Variants in MB observed in about 807,000 individuals in gnomAD.
MB encodes nitrite reductase MB.
A neutral mutation model predicts 14.5 loss-of-function variants in MB; 10 were observed. That is an observed-to-expected ratio of 0.69 (90% confidence interval 0.43 to 1.17). MB has a LOEUF of 1.17. MB is among the 50% of genes most tolerant of loss of function. The probability of loss-of-function intolerance (pLI) is 0.00; values close to 1 mark genes in which losing one functional copy is unlikely to be tolerated. For missense variants in MB, 169 were observed against 192.7 expected (o/e 0.88, Z 0.73); for synonymous variants, 89 against 78.6 (o/e 1.13, Z -0.70).
chr22:35,613,714 G>A (rs188620772), intron 1 of MB, among the ~76,000 whole-genome samples: 7 of 152,142 alleles, frequency 4.6e-5, no homozygotes, highest in African/African-American at 1.7e-4. Context: ...GCTCAGGCTG[G>A]TCTCGAACTC....
In MB at chr22:35,613,700, T is replaced by C. The variant is rs1382644994; in HGVS notation, c.96-2594A>G. Reference sequence around the variant, plus strand: ...TTTGTAGAGAAGGGGGGTCTCACTATGTGGCTCAGGCTGGTCTCGAACTCC... The same window carrying C: ...TTTGTAGAGAAGGGGGGTCTCACTACGTGGCTCAGGCTGGTCTCGAACTCC... On this transcript the variant is annotated intron_variant, in intron 1 of 2. Coordinates refer to ENST00000397326, the MANE Select transcript of MB (RefSeq NM_005368.3). Among the ~76,000 whole-genome samples the C allele has an allele frequency of 2.0e-5, 3 of 152,232 alleles. No homozygotes were observed. In the East Asian group the frequency reaches 5.8e-4, roughly 29 times the overall value.
upstream of MB, among the ~76,000 whole-genome samples, chr22:35,620,466 C>T (rs573928516): frequency 1.3e-5 from 2 of 152,310 alleles, no homozygotes; most frequent in East Asian, 3.9e-4. Context: ...CCAGGCCCAG[C>T]CTCAGAAGGA....
Position 35,608,473 on chromosome 22 carries a change from G to T in MB, c.319-1030C>A, listed in dbSNP as rs1483340253. Among the ~76,000 whole-genome samples the T allele has an allele frequency of 6.6e-6, 1 of 152,196 alleles. No individual in the cohort carries two copies. Among genetic ancestry groups the T allele is most frequent in the Non-Finnish European group, 1.5e-5 (1 of 68,036 alleles). ...CCAGGGTGCAAGTGACATAAAGCAG[G>T]GATAGTCGCGGGTGGGACATGCAAA... On this transcript the variant is annotated intron_variant, in intron 2 of 2. Transcript: ENST00000397326. The surrounding 1 kb of genome is among the most constrained non-coding windows in gnomAD (Gnocchi z 4.3).
In MB at chr22:35,607,336, GTC is replaced by G; in HGVS notation, c.424_425del (p.Asp142HisfsTer37). On this transcript the variant is annotated frameshift_variant, in exon 3 of 3. Transcript: ENST00000397326. LOFTEE classifies it high-confidence loss of function. ...CCAGCTCCTTGTAGTTGGAGGCCATGTCCTTCCGGAACAGCTCCAGGGCCTTG... is the reference window on the plus strand; with the variant it reads ...CCAGCTCCTTGTAGTTGGAGGCCATGCTTCCGGAACAGCTCCAGGGCCTTG... ...MNKALELFRK[D>X]MASNYKELGF... The G allele has an allele frequency of 1.9e-6, 3 of 1,614,098 alleles. No individual in the cohort carries two copies. The highest frequency in any genetic ancestry group is 2.5e-6 in the Non-Finnish European group (3 of 1,179,920).
At chr22:35,616,095 C>A (rs1291298046) in intron 1 of MB, among the ~76,000 whole-genome samples, 3 of 152,192 alleles carry the variant, frequency 2.0e-5, no homozygotes, top group African/African-American at 7.2e-5. Context: ...AGAAATTAAT[C>A]TGCAAATTAA....
chr22:35,611,149 T>C, intron 1 of MB, 43 bp from the exon 2 acceptor site: 1 of 1,451,654 alleles, frequency 6.9e-7, no homozygotes, highest in Non-Finnish European at 9.6e-7. Flanking sequence ...GGAGGTGCGG[T>C]GTGAGGTCTG....
In MB at chr22:35,617,300, T is replaced by A; in HGVS notation, c.-43A>T. 2.7e-6 allele frequency: 4 copies of A among 1,507,916 alleles called. No homozygotes were observed. The highest frequency in any genetic ancestry group is 3.7e-6 in the Non-Finnish European group (4 of 1,083,726). The allele number at this position is 1,507,916 out of a possible 1,614,324, so 93.4% of individuals were successfully genotyped here. ...ACAAAAAGAGCAAGTATGGGCTCAC[T>A]GGGTGTCCTGGCCCCAACAGCTGGG... On this transcript the variant is annotated 5_prime_UTR_variant, in exon 1 of 3. Coordinates refer to ENST00000397326, the MANE Select transcript of MB (RefSeq NM_005368.3).
At chr22:35,620,078 G>A (rs1170124241), upstream of MB, among the ~76,000 whole-genome samples, 1 of 152,236 alleles carries the variant, frequency 6.6e-6, no homozygotes, top group Non-Finnish European at 1.5e-5. Context: ...GCTCACGCCT[G>A]TAATCCCAGC....
chr22:35,617,961 T>C (rs1430540602), upstream of MB, among the ~76,000 whole-genome samples: 1 of 152,226 alleles, frequency 6.6e-6, no homozygotes, highest in Non-Finnish European at 1.5e-5. Flanking sequence ...AATTGCTTCC[T>C]CCTTTCCTTT....
chr22:35,612,455 G>A (rs141552280), intron 1 of MB, among the ~76,000 whole-genome samples: 2 of 152,262 alleles, frequency 1.3e-5, no homozygotes, highest in African/African-American at 2.4e-5. Context: ...CCAGGCTGGA[G>A]TGCAGTGGTG....
In MB at chr22:35,608,798, T is replaced by C. The variant is rs188383994; in HGVS notation, c.319-1355A>G. On this transcript the variant is annotated intron_variant, in intron 2 of 2. Coordinates refer to ENST00000397326, the MANE Select transcript of MB (RefSeq NM_005368.3). The surrounding 1 kb of genome is among the most constrained non-coding windows in gnomAD (Gnocchi z 4.3). The stretch of plus-strand genomic sequence containing the variant: ...CTGGAGTCCATGGCAGAGCCACTCA[T>C]ATCTAGAAAACAGTGGAACGGAGCC... 6.6e-6 allele frequency among the ~76,000 whole-genome samples: 1 copy of C among 152,256 alleles called. No homozygotes were observed. The highest frequency in any genetic ancestry group is 6.5e-5 in the Admixed American group (1 of 15,288).
upstream of MB, among the ~76,000 whole-genome samples, chr22:35,619,872 A>G (rs1008000957): frequency 8.5e-5 from 13 of 152,088 alleles, no homozygotes; most frequent in Admixed American, 7.9e-4. Context: ...AGTCCTGTGT[A>G]CTGAGTCGGC....
chr22:35,607,230 A>G lies in MB; in HGVS notation c.*67T>C. ...TCAGAAGCAAACTCTATATGGCTAC[A>G]CGAGATCAGACCCCGCTCTCTCTTG... On this transcript the variant is annotated 3_prime_UTR_variant, in exon 3 of 3. Coordinates refer to ENST00000397326, the MANE Select transcript of MB (RefSeq NM_005368.3). 6.5e-7 allele frequency: 1 copy of G among 1,535,172 alleles called. No individual in the cohort carries two copies. The highest frequency in any genetic ancestry group is 8.8e-7 in the Non-Finnish European group (1 of 1,133,634).
chr22:35,618,681 G>A (rs1273161018), upstream of MB, among the ~76,000 whole-genome samples: 1 of 150,722 alleles, frequency 6.6e-6, no homozygotes. Context: ...GTCTATCCAG[G>A]CATTCATTCA....
intron 1 of MB, among the ~76,000 whole-genome samples, chr22:35,622,968 C>T (rs1923565389): frequency 6.6e-6 from 1 of 152,214 alleles, no homozygotes; most frequent in Non-Finnish European, 1.5e-5. Context: ...GCAGCCTTCT[C>T]ATCTCTCTTG....
chr22:35,614,258 C>T (rs571484934), intron 1 of MB, among the ~76,000 whole-genome samples: 80 of 152,258 alleles, frequency 5.3e-4, no homozygotes, highest in Admixed American at 1.4e-3. Context: ...GCCCGTCTTG[C>T]GTGTGGCAAG....
At chr22:35,615,094 C>T (rs780489727) in intron 1 of MB, among the ~76,000 whole-genome samples, 2 of 152,154 alleles carry the variant, frequency 1.3e-5, no homozygotes, top group African/African-American at 2.4e-5. Flanking sequence ...GCAGTGAAGG[C>T]CTCAGTGTTT....
At chr22:35,618,449 A>T (rs1923241550), upstream of MB, among the ~76,000 whole-genome samples, 1 of 152,142 alleles carries the variant, frequency 6.6e-6, no homozygotes, top group Non-Finnish European at 1.5e-5. Flanking sequence ...TCCTCCTTCA[A>T]TCCATTCAGG....
At chr22:35,620,205 G>A (rs1161173834), upstream of MB, among the ~76,000 whole-genome samples, 3 of 152,092 alleles carry the variant, frequency 2.0e-5, no homozygotes, top group Non-Finnish European at 2.9e-5. Flanking sequence ...ATGGTGGCAC[G>A]AACCTGTAGT....
Sources: gnomAD v4.1 joint callset for allele counts (sites outside exome capture counted in the v4.1 genomes callset) on GRCh38, gnomAD v4.1.1 for gene constraint, Gnocchi (gnomAD v3.1) non-coding constraint, MANE v1.5 for transcripts, NCBI Gene and HGNC (gene_info 2026-07-23, HGNC 2026-07-21) for gene names.